LGSN: variants seen among roughly 807,000 people sequenced by gnomAD.
The protein encoded by LGSN is lengsin.
In LGSN, 21 loss-of-function variants were observed where a neutral mutation model predicts 19.5. The observed-to-expected ratio is 1.07, with a 90% CI of 0.76 to 1.55. The LOEUF is 1.55. Among genes scored for constraint, LGSN ranks in the 40% most tolerant of loss-of-function variants. LGSN has a pLI of 0.00. For synonymous variants in LGSN, 257 were observed against 215.6 expected (o/e 1.19, Z -1.68); for missense variants, 673 against 608.5 (o/e 1.11, Z -1.12).
the LGSN span, among the ~76,000 whole-genome samples, chr6:63,392,881 C>CTTTTTTTTTTTT: frequency 1.5e-4 from 16 of 109,912 alleles, no homozygotes; most frequent in African/African-American, 2.4e-4. Context: ...TCTTCTTCTT[C>CTTTTTTTTTTTT]TTTTTTTTTT....
chr6:63,413,412 T>C, the LGSN span, among the ~76,000 whole-genome samples: 1 of 152,212 alleles, frequency 6.6e-6, no homozygotes, highest in Admixed American at 6.5e-5. Flanking sequence ...TGGCTGACAT[T>C]TATTACATAA....
the LGSN span, among the ~76,000 whole-genome samples, chr6:63,511,347 A>G: frequency 6.8e-6 from 1 of 147,138 alleles, no homozygotes; most frequent in Non-Finnish European, 1.5e-5. Context: ...TCCGCCTCCT[A>G]TGTTCAAGCG....
the LGSN span, among the ~76,000 whole-genome samples, chr6:63,432,142 A>C: frequency 8.1e-6 from 1 of 124,196 alleles, no homozygotes; most frequent in Non-Finnish European, 1.6e-5. Flanking sequence ...AGAAAGAAAG[A>C]AAGAAAGAAA....
At chr6:63,568,679 G>T in the LGSN span, among the ~76,000 whole-genome samples, 1 of 151,228 alleles carries the variant, frequency 6.6e-6, no homozygotes, top group South Asian at 2.1e-4. Flanking sequence ...AACAATATTT[G>T]CAAAGCACAA....
At chr6:63,465,462 A>AT in the LGSN span, among the ~76,000 whole-genome samples, 3,575 of 152,248 alleles carry the variant, frequency 0.023, 151 homozygotes, top group African/African-American at 0.081. Flanking sequence ...GATTACAGGC[A>AT]TGAGCCACCA....
At chr6:63,457,085 A>G in the LGSN span, among the ~76,000 whole-genome samples, 1 of 152,334 alleles carries the variant, frequency 6.6e-6, no homozygotes, top group Admixed American at 6.5e-5. Flanking sequence ...CTCATCATTT[A>G]GAGACCATTG....
the LGSN span, among the ~76,000 whole-genome samples, chr6:63,567,822 A>G: frequency 1.3e-5 from 2 of 152,216 alleles, no homozygotes; most frequent in African/African-American, 4.8e-5. Flanking sequence ...ACCTTCATCA[A>G]TGTTCTTGGC....
intron 3 of LGSN, 92 bp from the exon 4 acceptor site, chr6:63,281,312 T>C: frequency 6.0e-6 from 1 of 167,304 alleles, no homozygotes; most frequent in South Asian, 2.1e-4. Context: ...AAAATATATA[T>C]ATATATATAT....
chr6:63,321,985 T>C (rs1769096267), upstream of LGSN, among the ~76,000 whole-genome samples: 1 of 152,170 alleles, frequency 6.6e-6, no homozygotes, highest in Non-Finnish European at 1.5e-5. Context: ...TCTAATTGAA[T>C]GGATCCAGAG....
intron 1 of LGSN, among the ~76,000 whole-genome samples, chr6:63,307,079 T>C (rs1224253430): frequency 6.6e-6 from 1 of 152,128 alleles, no homozygotes; most frequent in Non-Finnish European, 1.5e-5. Context: ...TCTAGTGTGG[T>C]ACTAAAGGGT....
the LGSN span, among the ~76,000 whole-genome samples, chr6:63,350,724 C>A: frequency 6.6e-6 from 1 of 152,134 alleles, no homozygotes; most frequent in South Asian, 2.1e-4. Flanking sequence ...TGGCAGCGCA[C>A]ACCTGTAATC....
At chr6:63,301,990 T>C (rs1410766355) in intron 1 of LGSN, among the ~76,000 whole-genome samples, 4 of 152,292 alleles carry the variant, frequency 2.6e-5, no homozygotes, top group African/African-American at 9.6e-5. Context: ...AAATTTCAAA[T>C]TCTAAAATTA....
chr6:63,450,759 A>G, the LGSN span, among the ~76,000 whole-genome samples: 2 of 151,360 alleles, frequency 1.3e-5, no homozygotes, highest in Admixed American at 6.6e-5. Flanking sequence ...TGCAACCTCC[A>G]CCTCCTGGGT....
At position 63,281,084 on chromosome 6, in the gene LGSN, A is replaced by T. The variant is rs754677431; in HGVS notation, c.467T>A (p.Phe156Tyr). The T allele has an allele frequency of 6.2e-7, 1 of 1,613,860 alleles. No individual in the cohort carries two copies. Among genetic ancestry groups the T allele is most frequent in the Non-Finnish European group, 8.5e-7 (1 of 1,179,968 alleles). Residue 156 changes from phenylalanine (F) to tyrosine (Y), a missense_variant, in exon 4 of 4, where the codon TTT (phenylalanine) becomes TAT (tyrosine). Transcript: ENST00000370657. Reference protein sequence around the residue: ...DIVLMPELSTFRVLPWADRTA... With the variant: ...DIVLMPELSTYRVLPWADRTA... ...TCTGTCAGCCCATGGCAAAACTCTA[A>T]AGGTTGATAACTCTGGCATTAGGAC...
the LGSN span, among the ~76,000 whole-genome samples, chr6:63,404,567 C>T: frequency 6.6e-6 from 1 of 151,982 alleles, no homozygotes; most frequent in South Asian, 2.1e-4. Context: ...TGCTGAGGGA[C>T]CACTTTCTTA....
the LGSN span, among the ~76,000 whole-genome samples, chr6:63,367,333 T>G: frequency 5.3e-5 from 8 of 151,904 alleles, no homozygotes; most frequent in Non-Finnish European, 1.2e-4. Context: ...AACAAACACA[T>G]GAAAAAATGC....
At chr6:63,543,538 A>G in the LGSN span, among the ~76,000 whole-genome samples, 1 of 152,228 alleles carries the variant, frequency 6.6e-6, no homozygotes, top group Non-Finnish European at 1.5e-5. Context: ...ATAATTGTTC[A>G]TTGAATAAAT....
chr6:63,300,064 A>T (rs1467700975), intron 1 of LGSN, among the ~76,000 whole-genome samples: 1 of 152,156 alleles, frequency 6.6e-6, no homozygotes, highest in Non-Finnish European at 1.5e-5. Flanking sequence ...GGTCATGGTG[A>T]GGCCTGGAGA....
At chr6:63,323,243 C>T (rs904531600), upstream of LGSN, among the ~76,000 whole-genome samples, 4 of 152,166 alleles carry the variant, frequency 2.6e-5, no homozygotes, top group Middle Eastern at 6.8e-3. Flanking sequence ...CCACAGAATA[C>T]ATTTCTTTTT....
Sources: allele counts gnomAD v4.1 joint callset (sites outside exome capture counted in the v4.1 genomes callset), GRCh38; gene constraint gnomAD v4.1.1; transcripts MANE v1.5; gene names NCBI Gene and HGNC (gene_info 2026-07-23, HGNC 2026-07-21).